Variants in ANKS1B observed in about 807,000 individuals in gnomAD.
ANKS1B encodes the protein ankyrin repeat and sterile alpha motif domain-containing protein 1B.
In ANKS1B, 36 loss-of-function variants were observed where a neutral mutation model predicts 148.3. The observed-to-expected ratio is 0.24, with a 90% CI of 0.19 to 0.32. The LOEUF is 0.32. Ranked by LOEUF, ANKS1B falls within the 10% of genes least tolerant of loss-of-function variation. The pLI is 1.00. For synonymous variants in ANKS1B, 542 were observed against 560.8 expected, an observed-to-expected ratio of 0.97 and a Z score of 0.47; for missense variants, 1,157 against 1,542.6, an observed-to-expected ratio of 0.75 and a Z score of 4.19.
intron 12 of ANKS1B, among the ~76,000 whole-genome samples, chr12:99,315,863 C>G (rs564225150): frequency 2.6e-5 from 4 of 151,964 alleles, no homozygotes; most frequent in East Asian, 1.9e-4. Context: ...ATGTTCCTCA[C>G]TCTGTGTCCA....
chr12:98,735,338 T>C (rs1377220111), exon 10 of ANKS1B: 10 of 416,134 alleles, frequency 2.4e-5, no homozygotes, highest in African/African-American at 2.0e-5. Context: ...ATTTATGATA[T>C]AGCTTATATG....
intron 9 of ANKS1B, chr12:99,648,240 C>A: frequency 1.2e-6 from 2 of 1,614,206 alleles, no homozygotes; most frequent in Admixed American, 1.7e-5. Context: ...GCATGTTTAA[C>A]ACCTCCATGG....
intron 20 of ANKS1B, among the ~76,000 whole-genome samples, chr12:98,804,041 G>T (rs1383096484): frequency 6.6e-6 from 1 of 152,182 alleles, no homozygotes; most frequent in Admixed American, 6.5e-5. Context: ...ACTTAAATCT[G>T]TTTAGACAGC....
chr12:99,743,261 C>T (rs1046300977), intron 8 of ANKS1B, among the ~76,000 whole-genome samples: 1 of 152,088 alleles, frequency 6.6e-6, no homozygotes, highest in Non-Finnish European at 1.5e-5. Flanking sequence ...TAGAGGTTCA[C>T]CTAAAATAGA....
intron 8 of ANKS1B, among the ~76,000 whole-genome samples, chr12:99,707,215 C>G (rs990625410): frequency 2.6e-5 from 4 of 152,056 alleles, no homozygotes; most frequent in East Asian, 1.9e-4. Flanking sequence ...TGACTGATTG[C>G]CCAAGCCTCC....
At chr12:99,372,782 C>T (rs551770598) in intron 12 of ANKS1B, among the ~76,000 whole-genome samples, 2 of 152,030 alleles carry the variant, frequency 1.3e-5, no homozygotes, top group East Asian at 1.9e-4. Context: ...GCTTACATTC[C>T]TACTCTGGTA....
At chr12:99,473,124 C>T (rs541759535) in intron 10 of ANKS1B, among the ~76,000 whole-genome samples, 7 of 151,866 alleles carry the variant, frequency 4.6e-5, no homozygotes, top group Non-Finnish European at 7.4e-5. Flanking sequence ...ATGTATTATC[C>T]GTCTGTGCCT....
intron 9 of ANKS1B, among the ~76,000 whole-genome samples, chr12:99,596,459 A>G (rs2097759361): frequency 6.6e-6 from 1 of 151,902 alleles, no homozygotes. Flanking sequence ...CTACTCTAGT[A>G]TGTCCGCATC....
At chr12:99,131,464 A>G (rs886725296) in intron 15 of ANKS1B, among the ~76,000 whole-genome samples, 3 of 152,168 alleles carry the variant, frequency 2.0e-5, no homozygotes, top group Non-Finnish European at 2.9e-5. Flanking sequence ...GCCAAGCACA[A>G]ATAGTAAGTG....
At chr12:98,932,158 C>T (rs1249048491) in intron 17 of ANKS1B, among the ~76,000 whole-genome samples, 1 of 152,166 alleles carries the variant, frequency 6.6e-6, no homozygotes, top group African/African-American at 2.4e-5. Context: ...CAACAAGCTC[C>T]TTCTGGTTCT....
At chr12:99,449,002 CTATT>C (rs1209584176) in intron 10 of ANKS1B, among the ~76,000 whole-genome samples, 1 of 151,916 alleles carries the variant, frequency 6.6e-6, no homozygotes, top group Non-Finnish European at 1.5e-5. Context: ...ATAGTTTCTT[CTATT>C]TATTTTCTAG....
chr12:98,938,652 C>T (rs1052534066), intron 17 of ANKS1B, among the ~76,000 whole-genome samples: 14 of 152,226 alleles, frequency 9.2e-5, no homozygotes, highest in Admixed American at 7.9e-4. Context: ...GACACACACA[C>T]ACAAATTGCA....
chr12:99,547,298 T>C (rs2097179865), intron 9 of ANKS1B, among the ~76,000 whole-genome samples: 1 of 151,922 alleles, frequency 6.6e-6, no homozygotes, highest in Non-Finnish European at 1.5e-5. Flanking sequence ...ATGCCTGGTA[T>C]TGTTCAGATA....
downstream of ANKS1B, among the ~76,000 whole-genome samples, chr12:98,743,760 A>AAAAG (rs1432331478): frequency 1.1e-4 from 17 of 152,216 alleles, no homozygotes; most frequent in Non-Finnish European, 2.4e-4. Context: ...TTTAATATTT[A>AAAAG]AAAGAAGGCA....
chr12:99,577,309 A>G (rs556284695), intron 9 of ANKS1B, among the ~76,000 whole-genome samples: 2 of 145,728 alleles, frequency 1.4e-5, no homozygotes, highest in Admixed American at 1.3e-4. Flanking sequence ...ATAAATAAAT[A>G]AATAAATAAA....
intron 14 of ANKS1B, among the ~76,000 whole-genome samples, chr12:99,220,545 C>T (rs2084947520): frequency 6.9e-6 from 1 of 144,002 alleles, no homozygotes; most frequent in Admixed American, 7.4e-5. Context: ...CTCCCAGGTT[C>T]ACACCATTCT....
chr12:99,211,611 T>G (rs1263529540), intron 14 of ANKS1B, among the ~76,000 whole-genome samples: 2 of 152,224 alleles, frequency 1.3e-5, no homozygotes, highest in Admixed American at 1.3e-4. Flanking sequence ...GTTATAATTT[T>G]GTCTTTTGAC....
intron 15 of ANKS1B, among the ~76,000 whole-genome samples, chr12:99,106,258 A>G (rs2059191051): frequency 6.6e-6 from 1 of 152,232 alleles, no homozygotes; most frequent in African/African-American, 2.4e-5. Flanking sequence ...CTACTTCAGC[A>G]TCATCAGCCG....
At chr12:99,947,531 C>T (rs1433426035) in intron 1 of ANKS1B, among the ~76,000 whole-genome samples, 1 of 152,154 alleles carries the variant, frequency 6.6e-6, no homozygotes, top group Non-Finnish European at 1.5e-5. Context: ...AAATAGAATT[C>T]ATTTCCTAAT....
Sources: gnomAD v4.1 joint callset for allele counts (sites outside exome capture counted in the v4.1 genomes callset) on GRCh38, gnomAD v4.1.1 for gene constraint, MANE v1.5 for transcripts, NCBI Gene and HGNC (gene_info 2026-07-23, HGNC 2026-07-21) for gene names.